The following GART variants were observed in gnomAD, a reference collection of about 807,000 sequenced individuals.
The protein encoded by GART is trifunctional purine biosynthetic protein adenosine-3.
A neutral mutation model predicts 107.2 loss-of-function variants in GART; 43 were observed. The observed-to-expected ratio is 0.40, with a 90% CI of 0.31 to 0.52. GART has a LOEUF of 0.52. GART is among the 20% of genes least tolerant of loss of function. GART has a pLI of 0.52. For missense variants in GART, 1,107 were observed against 1,206.5 expected (o/e 0.92, Z 1.22); for synonymous variants, 434 against 427.0 (o/e 1.02, Z -0.20).
intron 16 of GART, among the ~76,000 whole-genome samples, chr21:33,514,345 T>C (rs1028745917): frequency 2.0e-5 from 3 of 152,202 alleles, no homozygotes; most frequent in African/African-American, 7.2e-5. Context: ...GAAGAAACTT[T>C]AGAGGCTGAT....
At chr21:33,519,362 G>C (rs1489698523) in intron 14 of GART, among the ~76,000 whole-genome samples, 1 of 152,060 alleles carries the variant, frequency 6.6e-6, no homozygotes, top group Non-Finnish European at 1.5e-5. Context: ...GACCATCCTG[G>C]CTAACACGGT....
chr21:33,527,336 T>G (rs1237540138), intron 10 of GART, among the ~76,000 whole-genome samples: 1 of 152,040 alleles, frequency 6.6e-6, no homozygotes, highest in Non-Finnish European at 1.5e-5. Context: ...CGGGCCAACA[T>G]GGTGAAACCC....
Position 33,539,317 on chromosome 21 carries a change from G to T in GART, c.-2C>A, listed in dbSNP as rs554427640. Reference sequence around the variant, plus strand: ...AATTATAAGTACTCGGGCTGCCATTGTTCTGTCTGTAAAGCAGAAATTCCA... The same window carrying T: ...AATTATAAGTACTCGGGCTGCCATTTTTCTGTCTGTAAAGCAGAAATTCCA... On this transcript the variant is annotated 5_prime_UTR_variant, in exon 2 of 22. Coordinates refer to ENST00000381815, the MANE Select transcript of GART (RefSeq NM_000819.5). The T allele has an allele frequency of 6.2e-7, 1 of 1,607,994 alleles. No individual in the cohort carries two copies. The highest frequency in any genetic ancestry group is 8.5e-7 in the Non-Finnish European group (1 of 1,178,386).
At chr21:33,530,288 G>A (rs1248045163) in intron 7 of GART, among the ~76,000 whole-genome samples, 3 of 152,190 alleles carry the variant, frequency 2.0e-5, no homozygotes, top group Non-Finnish European at 4.4e-5. Context: ...GATCTGACTT[G>A]GTTCTCAATT....
rs969613203 is a variant in GART, at chr21:33,504,008, G to A, written c.*116C>T. 7 of 836,334 alleles carry A rather than the reference G, an allele frequency of 8.4e-6. No homozygotes were observed. The East Asian group carries it at 1.9e-4, about 22-fold the overall frequency. The allele number at this position is 836,334 out of a possible 1,614,324, so 51.8% of individuals were successfully genotyped here. ...TTAAAAAAATAGATGAAGTAAGGGT[G>A]AGGTCTTTTTTGTCTTTTAGCAGTT... On this transcript the variant is annotated 3_prime_UTR_variant, in exon 22 of 22. Transcript: ENST00000381815.
At chr21:33,542,799 G>A (rs946108740), upstream of GART, 26 of 471,320 alleles carry the variant, frequency 5.5e-5, no homozygotes, top group Admixed American at 4.5e-4. Flanking sequence ...ATGCGGACAC[G>A]GTCGCCTCAA....
chr21:33,525,135 C>T (rs548849438), intron 10 of GART, 135 bp from the exon 11 acceptor site: 38 of 1,406,888 alleles, frequency 2.7e-5, no homozygotes, highest in East Asian at 2.5e-4. Flanking sequence ...GCTTATAATT[C>T]CAGCACTTTG....
At chr21:33,518,483 G>GAA in intron 14 of GART, 47 of 150,596 alleles carry the variant, frequency 3.1e-4, no homozygotes, top group South Asian at 5.9e-4. Flanking sequence ...ATCTCAAAAA[G>GAA]AAAAAAAAAA....
At chr21:33,531,790 C>A in intron 5 of GART, 1 of 448,284 alleles carries the variant, frequency 2.2e-6, no homozygotes, top group South Asian at 4.7e-5. Flanking sequence ...CTCTAATATT[C>A]TCCTGAAGAT....
intron 16 of GART, among the ~76,000 whole-genome samples, chr21:33,516,527 A>G (rs959762135): frequency 2.0e-5 from 3 of 152,196 alleles, no homozygotes; most frequent in African/African-American, 7.2e-5. Flanking sequence ...TCTTCTTCCT[A>G]TGTTAATGAT....
At chr21:33,522,021 CT>C (rs1192880246) in intron 12 of GART, among the ~76,000 whole-genome samples, 166 bp downstream of exon 12, 137 of 150,216 alleles carry the variant, frequency 9.1e-4, no homozygotes, top group Middle Eastern at 3.5e-3. Context: ...ATGAGAAATA[CT>C]TTAATATTAA....
At chr21:33,529,973 T>C (rs2085152700) in intron 7 of GART, among the ~76,000 whole-genome samples, 1 of 151,872 alleles carries the variant, frequency 6.6e-6, no homozygotes, top group African/African-American at 2.4e-5. Flanking sequence ...GGTGGGCAGA[T>C]CACGGGTCAA....
intron 12 of GART, among the ~76,000 whole-genome samples, chr21:33,521,562 G>A (rs1350066208): frequency 6.6e-6 from 1 of 150,510 alleles, no homozygotes; most frequent in South Asian, 2.1e-4. Flanking sequence ...AATGCAGGAG[G>A]CAGAGCTTGC....
chr21:33,524,549 T>G, intron 11 of GART: 1 of 1,242,576 alleles, frequency 8.0e-7, no homozygotes, highest in South Asian at 3.1e-5. Flanking sequence ...AGTACCACTG[T>G]GATTTTGCTA....
In GART at chr21:33,505,544, A is replaced by C. The variant is rs946178246; in HGVS notation, c.2725+17T>G. The C allele has an allele frequency of 1.3e-6, 2 of 1,578,382 alleles. No homozygotes were observed. Among genetic ancestry groups the C allele is most frequent in the African/African-American group, 1.4e-5 (1 of 73,258 alleles). The stretch of plus-strand genomic sequence containing the variant: ...TCAATTGATTTCCCAATGTGATGTC[A>C]AATAATTTTTGCTTACCATTCCACT... On this transcript the variant is annotated intron_variant, in intron 20 of 21. Coordinates refer to ENST00000381815, the MANE Select transcript of GART (RefSeq NM_000819.5).
chr21:33,505,136 C>A (rs1263354829), intron 20 of GART, among the ~76,000 whole-genome samples: 3 of 152,214 alleles, frequency 2.0e-5, no homozygotes, highest in African/African-American at 7.2e-5. Flanking sequence ...TCCTTGCCAA[C>A]TCCTGGCAAT....
Position 33,505,545 on chromosome 21 carries a change from A to C in GART, c.2725+16T>G. On this transcript the variant is annotated intron_variant, in intron 20 of 21. Coordinates refer to ENST00000381815, the MANE Select transcript of GART (RefSeq NM_000819.5). ...CAATTGATTTCCCAATGTGATGTCA[A>C]ATAATTTTTGCTTACCATTCCACTT... The C allele has an allele frequency of 2.5e-6, 4 of 1,579,980 alleles. No homozygotes were observed. The highest frequency in any genetic ancestry group is 2.3e-5 in the South Asian group (2 of 85,540).
Position 33,511,743 on chromosome 21 carries a change from G to T in GART, c.2108-285C>A, listed in dbSNP as rs573659211. On this transcript the variant is annotated intron_variant, in intron 16 of 21. Transcript: ENST00000381815. ...AGACATTCCCTAATGGATCAGATGA[G>T]CTAGTAGCTGAATTCCAGCAAAGGC... Among the ~76,000 whole-genome samples, 21 of 152,246 alleles carry T rather than the reference G, an allele frequency of 1.4e-4. No homozygotes were observed. The East Asian group carries it at 4.1e-3, about 29-fold the overall frequency.
At chr21:33,539,094 T>C in intron 2 of GART, 77 bp downstream of exon 2, 2 of 1,407,974 alleles carry the variant, frequency 1.4e-6, no homozygotes, top group South Asian at 1.3e-5. Context: ...TTTATTAACA[T>C]AAAGTACAGA....
Sources: allele counts gnomAD v4.1 joint callset (sites outside exome capture counted in the v4.1 genomes callset), GRCh38; gene constraint gnomAD v4.1.1; transcripts MANE v1.5; gene names NCBI Gene and HGNC (gene_info 2026-07-23, HGNC 2026-07-21).